DPYS: variants seen among roughly 807,000 people sequenced by gnomAD.
DPYS encodes dihydropyrimidinase.
DPYS carries 39 observed loss-of-function variants against 50.3 expected under a neutral mutation model. The observed-to-expected ratio is 0.78, with a 90% confidence interval of 0.60 to 1.01. DPYS has a LOEUF of 1.01. Among genes scored for constraint, DPYS ranks in the 50% least tolerant of loss-of-function variants. The pLI is 0.00. For synonymous variants in DPYS, 245 were observed against 250.7 expected (o/e 0.98, Z 0.22); for missense variants, 659 against 680.9 (o/e 0.97, Z 0.36).
intron 8 of DPYS, among the ~76,000 whole-genome samples, chr8:104,385,573 T>TA (rs1440423779): frequency 6.6e-6 from 1 of 152,202 alleles, no homozygotes; most frequent in Non-Finnish European, 1.5e-5. Flanking sequence ...GGCTTGAGGG[T>TA]AAAACCACAT....
chr8:104,390,267 T>C (rs542547700), intron 8 of DPYS, among the ~76,000 whole-genome samples: 1 of 134,888 alleles, frequency 7.4e-6, no homozygotes, highest in Non-Finnish European at 1.5e-5. Context: ...GCAGCTGCCA[T>C]CAGTGCCTCC....
chr8:104,442,637 T>C (rs1813395578), intron 4 of DPYS, among the ~76,000 whole-genome samples: 1 of 152,126 alleles, frequency 6.6e-6, no homozygotes, highest in Non-Finnish European at 1.5e-5. Context: ...AAATCCTAGG[T>C]GAAATAAGCC....
chr8:104,414,008 G>C (rs1341164857), intron 7 of DPYS, among the ~76,000 whole-genome samples: 1 of 152,188 alleles, frequency 6.6e-6, no homozygotes, highest in Admixed American at 6.5e-5. Context: ...CTGGGAGCCA[G>C]TAACTTTCTT....
chr8:104,451,165 A>G, intron 2 of DPYS, 81 bp downstream of exon 2: 1 of 1,582,866 alleles, frequency 6.3e-7, no homozygotes, highest in East Asian at 2.2e-5. Flanking sequence ...CTAGGAAGCA[A>G]TCAATGTCAC....
chr8:104,406,952 T>C (rs1812016861), intron 7 of DPYS, among the ~76,000 whole-genome samples: 1 of 152,334 alleles, frequency 6.6e-6, no homozygotes, highest in Non-Finnish European at 1.5e-5. Flanking sequence ...TCCAAAAGCA[T>C]TCACCCTTGA....
At chr8:104,440,736 G>C (rs1208002779) in intron 4 of DPYS, among the ~76,000 whole-genome samples, 1 of 151,814 alleles carries the variant, frequency 6.6e-6, no homozygotes, top group African/African-American at 2.4e-5. Flanking sequence ...TCCAGCCTGG[G>C]TGACAGAGTG....
chr8:104,392,191 A>T (rs1392109544), intron 8 of DPYS, among the ~76,000 whole-genome samples: 1 of 152,052 alleles, frequency 6.6e-6, no homozygotes, highest in Non-Finnish European at 1.5e-5. Flanking sequence ...TCTGAACTTC[A>T]TTACACTTTT....
chr8:104,430,257 T>C (rs1380319835), intron 4 of DPYS, among the ~76,000 whole-genome samples: 1 of 151,962 alleles, frequency 6.6e-6, no homozygotes, highest in African/African-American at 2.4e-5. Context: ...TTTCATGCCC[T>C]TGAAAAAAAG....
intron 1 of DPYS, among the ~76,000 whole-genome samples, chr8:104,454,138 C>A (rs1173590724): frequency 6.6e-6 from 1 of 152,116 alleles, no homozygotes; most frequent in East Asian, 1.9e-4. Context: ...GTAATCCCAG[C>A]ACTTTGGGAA....
chr8:104,407,009 T>C (rs1206318564), intron 7 of DPYS, among the ~76,000 whole-genome samples: 1 of 152,254 alleles, frequency 6.6e-6, no homozygotes, highest in Non-Finnish European at 1.5e-5. Context: ...ACTTCAGTGG[T>C]TGGAAGCCAT....
chr8:104,426,110 G>A (rs7010772), intron 6 of DPYS, among the ~76,000 whole-genome samples: 33,215 of 152,020 alleles, frequency 0.22, 3,858 homozygotes, highest in African/African-American at 0.28. Context: ...GGGATGGTTA[G>A]AGTTAGGGTG....
rs755588849 is a variant in DPYS at position 104,444,326 on chromosome 8, C to A, written c.715G>T (p.Ala239Ser). ...ATLRAITIAS[A>S]VNCPLYIVHV... The stretch of plus-strand genomic sequence containing the variant: ...ACAATGTAGAGAGGACAGTTCACAG[C>A]GCTGGCTATGGTGATGGCTCTCAGC... Residue 239 changes from alanine to serine, a missense_variant, in exon 4 of 10, where the codon GCT becomes TCT. Physicochemically the swap from Ala to Ser is moderately conservative, Grantham distance 99. Coordinates refer to ENST00000351513, the MANE Select transcript of DPYS (RefSeq NM_001385.3). 6.2e-6 allele frequency: 10 copies of A among 1,614,124 alleles called. No individual in the cohort carries two copies. The East Asian group carries it at 8.9e-5, about 14-fold the overall frequency.
chr8:104,443,515 T>C (rs1813421468), intron 4 of DPYS, among the ~76,000 whole-genome samples: 1 of 152,200 alleles, frequency 6.6e-6, no homozygotes, highest in Non-Finnish European at 1.5e-5. Context: ...TTATTGAGCA[T>C]GTACTAGGTG....
intron 7 of DPYS, among the ~76,000 whole-genome samples, chr8:104,403,013 G>A (rs1267136024): frequency 6.6e-6 from 1 of 152,164 alleles, no homozygotes; most frequent in Non-Finnish European, 1.5e-5. Context: ...CATTCAAGCC[G>A]GCAATGGCTA....
intron 4 of DPYS, among the ~76,000 whole-genome samples, chr8:104,433,500 A>G (rs4236774): frequency 0.91 from 138,411 of 152,100 alleles, 63,517 homozygotes; most frequent in Middle Eastern, 0.98. Flanking sequence ...CAGGTATGAC[A>G]GTGCACACCT....
At chr8:104,460,201 A>G (rs1814074382) in intron 1 of DPYS, among the ~76,000 whole-genome samples, 1 of 152,022 alleles carries the variant, frequency 6.6e-6, no homozygotes, top group African/African-American at 2.4e-5. Flanking sequence ...CAGACATTTT[A>G]TGGTTTGGCT....
chr8:104,400,108 AC>A (rs35012619), intron 7 of DPYS, among the ~76,000 whole-genome samples: 99,484 of 151,798 alleles, frequency 0.66, 34,586 homozygotes, highest in Middle Eastern at 0.81. Flanking sequence ...CTGGGCTCCA[AC>A]CATTCCAAGC....
intron 8 of DPYS, among the ~76,000 whole-genome samples, chr8:104,383,492 T>C (rs1383274973): frequency 6.6e-6 from 1 of 152,156 alleles, no homozygotes; most frequent in African/African-American, 2.4e-5. Flanking sequence ...TGAAGGGGGC[T>C]TCCCATCTAA....
intron 7 of DPYS, chr8:104,419,077 G>A: frequency 7.1e-6 from 7 of 985,394 alleles, no homozygotes; most frequent in Non-Finnish European, 8.4e-6. Flanking sequence ...GGCACTTAAA[G>A]AAAATAAGAC....
Sources: allele counts gnomAD v4.1 joint callset (sites outside exome capture counted in the v4.1 genomes callset), GRCh38; gene constraint gnomAD v4.1.1; transcripts MANE v1.5; gene names NCBI Gene and HGNC (gene_info 2026-07-23, HGNC 2026-07-21).